Variants in BIRC6 observed in about 807,000 individuals in gnomAD.
BIRC6 encodes the protein dual E2 ubiquitin-conjugating enzyme/E3 ubiquitin-protein ligase BIRC6.
A neutral mutation model predicts 503.3 loss-of-function variants in BIRC6; 98 were observed. The observed-to-expected ratio is 0.19, with a 90% CI of 0.17 to 0.23. The LOEUF is 0.23. Among genes scored for constraint, BIRC6 ranks in the 10% least tolerant of loss-of-function variants. The probability of loss-of-function intolerance (pLI) is 1.00; values close to 1 mark genes in which losing one functional copy is unlikely to be tolerated. For synonymous variants in BIRC6, 2,240 were observed against 2,078.7 expected (o/e 1.08, Z -2.11); for missense variants, 5,360 against 5,806.0 (o/e 0.92, Z 2.50).
chr2:32,608,811 T>G (rs1054872342), intron 72 of BIRC6, among the ~76,000 whole-genome samples: 2 of 152,206 alleles, frequency 1.3e-5, no homozygotes, highest in Non-Finnish European at 2.9e-5. Context: ...TGAAGATGGT[T>G]TCTAAAGTTG....
intron 10 of BIRC6, among the ~76,000 whole-genome samples, chr2:32,422,046 T>A (rs1490155706): frequency 6.6e-6 from 1 of 152,012 alleles, no homozygotes; most frequent in Non-Finnish European, 1.5e-5. Flanking sequence ...GTATTGGTTC[T>A]TTTGTCATTA....
At chr2:32,408,832 T>C (rs2041537392) in intron 9 of BIRC6, among the ~76,000 whole-genome samples, 1 of 152,218 alleles carries the variant, frequency 6.6e-6, no homozygotes, top group Admixed American at 6.5e-5. Context: ...AAAATATCTT[T>C]CCAGTTCAAA....
chr2:32,418,182 C>T (rs1558670318), intron 10 of BIRC6, among the ~76,000 whole-genome samples: 1 of 152,170 alleles, frequency 6.6e-6, no homozygotes, highest in African/African-American at 2.4e-5. Flanking sequence ...AGTCTAGTAA[C>T]TTTAGACTAA....
chr2:32,614,789 G>T (rs1319661113), intron 73 of BIRC6, among the ~76,000 whole-genome samples: 1 of 152,174 alleles, frequency 6.6e-6, no homozygotes, highest in African/African-American at 2.4e-5. Context: ...CTGAGATTGC[G>T]CCATTGCTCT....
At position 32,464,571 on chromosome 2, in the gene BIRC6, A is replaced by G; in HGVS notation, c.5004A>G (p.Ala1668=). The G allele has an allele frequency of 6.2e-7, 1 of 1,609,892 alleles. No individual in the cohort carries two copies. Residue 1668 remains alanine, a synonymous_variant, in exon 25 of 74, where the codon GCA becomes GCG. Coordinates refer to ENST00000421745, the MANE Select transcript of BIRC6 (RefSeq NM_016252.4). ...TTAAAAAAAS[A]VGPVHNSVPS... ...CTGCAGCAGCTGCAGCAGCATCAGC[A>G]GTAGGTCCTGTTCACAACTCTGTGC...
intron 13 of BIRC6, among the ~76,000 whole-genome samples, chr2:32,434,517 T>TA (rs1002658214): frequency 6.6e-5 from 10 of 151,250 alleles, no homozygotes; most frequent in South Asian, 2.1e-4. Context: ...GGGGAAAAAA[T>TA]AAAAAAAATT....
chr2:32,440,321 T>C (rs1328770119), intron 16 of BIRC6, among the ~76,000 whole-genome samples: 1 of 152,206 alleles, frequency 6.6e-6, no homozygotes, highest in African/African-American at 2.4e-5. Context: ...TGCCCTCTGT[T>C]GGCAACTCAC....
intron 21 of BIRC6, among the ~76,000 whole-genome samples, 180 bp from the exon 22 acceptor site, chr2:32,448,615 C>T (rs954802363): frequency 4.0e-5 from 6 of 150,912 alleles, no homozygotes; most frequent in South Asian, 2.1e-4. Context: ...AGTCCAGCTT[C>T]GGCTCGGCAT....
chr2:32,504,331 A>AT (rs1286072892), intron 49 of BIRC6, among the ~76,000 whole-genome samples: 6 of 152,050 alleles, frequency 3.9e-5, no homozygotes, highest in Middle Eastern at 3.4e-3. Context: ...AATAAAGATG[A>AT]TTTTTTTAAA....
intron 65 of BIRC6, among the ~76,000 whole-genome samples, 175 bp from the exon 66 acceptor site, chr2:32,574,981 C>T (rs566696459): frequency 3.7e-4 from 56 of 152,324 alleles, no homozygotes; most frequent in South Asian, 6.2e-4. Context: ...CTCCCGACCT[C>T]GGGTGATCTG....
intron 12 of BIRC6, among the ~76,000 whole-genome samples, chr2:32,432,772 A>C (rs545898015): frequency 5.3e-5 from 8 of 152,102 alleles, no homozygotes; most frequent in Non-Finnish European, 8.8e-5. Flanking sequence ...AAAAAAAAAA[A>C]AAAAACTTTC....
chr2:32,529,520 A>AT, intron 59 of BIRC6, 131 bp from the exon 60 acceptor site: 2 of 826,730 alleles, frequency 2.4e-6, no homozygotes, highest in East Asian at 2.9e-5. Flanking sequence ...TGGCTGTTGA[A>AT]TTTTTTAATT....
At chr2:32,428,269 A>C (rs2043740839) in intron 10 of BIRC6, among the ~76,000 whole-genome samples, 1 of 152,168 alleles carries the variant, frequency 6.6e-6, no homozygotes, top group African/African-American at 2.4e-5. Flanking sequence ...GGATTTGTGG[A>C]GAGTTTACCA....
At chr2:32,478,041 T>C (rs2049962984) in intron 35 of BIRC6, among the ~76,000 whole-genome samples, 2 of 152,190 alleles carry the variant, frequency 1.3e-5, no homozygotes, top group South Asian at 4.1e-4. Flanking sequence ...TGTCAAATTA[T>C]ATTAAAGAAG....
intron 25 of BIRC6, 96 bp from the exon 26 acceptor site, chr2:32,464,969 G>C: frequency 7.6e-7 from 1 of 1,310,558 alleles, no homozygotes; most frequent in Non-Finnish European, 1.0e-6. Flanking sequence ...TACATTAAGA[G>C]AAGAAACTTA....
intron 66 of BIRC6, among the ~76,000 whole-genome samples, chr2:32,583,880 G>A (rs1470480482): frequency 6.6e-6 from 1 of 152,042 alleles, no homozygotes; most frequent in Non-Finnish European, 1.5e-5. Flanking sequence ...ACAGGCTCCC[G>A]CCACCACGCC....
chr2:32,386,915 G>A (rs924355950), intron 3 of BIRC6, among the ~76,000 whole-genome samples: 3 of 152,094 alleles, frequency 2.0e-5, no homozygotes. Context: ...TCAGTTGCCT[G>A]TTTTATATTA....
chr2:32,475,681 A>G (rs1174882772), intron 33 of BIRC6, among the ~76,000 whole-genome samples: 5 of 152,172 alleles, frequency 3.3e-5, no homozygotes, highest in Non-Finnish European at 5.9e-5. Flanking sequence ...ATCATTAGAG[A>G]AAATTGGGTA....
intron 3 of BIRC6, among the ~76,000 whole-genome samples, chr2:32,387,793 G>T (rs2149503142): frequency 6.6e-6 from 1 of 152,228 alleles, no homozygotes; most frequent in South Asian, 2.1e-4. Flanking sequence ...GGATGAATAG[G>T]AAAAATGACA....
Sources: gnomAD v4.1 joint callset for allele counts (sites outside exome capture counted in the v4.1 genomes callset) on GRCh38, gnomAD v4.1.1 for gene constraint, MANE v1.5 for transcripts, NCBI Gene and HGNC (gene_info 2026-07-23, HGNC 2026-07-21) for gene names.